The following BAG6 variants were observed in gnomAD, a reference collection of about 807,000 sequenced individuals.
BAG6 encodes the protein BAG cochaperone 6, also known as large proline-rich protein BAG6.
Under a neutral mutation model 121.0 loss-of-function variants are expected in BAG6, and 22 were observed. That is an observed-to-expected ratio of 0.18 (90% CI 0.13 to 0.26). BAG6 has a LOEUF of 0.26. Ranked by LOEUF, BAG6 falls within the 10% of genes least tolerant of loss-of-function variation. The pLI, the probability that BAG6 is intolerant of heterozygous loss-of-function variation, is 1.00. For synonymous variants in BAG6, 583 were observed against 584.6 expected, an observed-to-expected ratio of 1.00 and a Z score of 0.04; for missense variants, 1,233 against 1,537.7, an observed-to-expected ratio of 0.80 and a Z score of 3.31.
Position 31,645,020 on chromosome 6 carries a change from G to A in BAG6, c.1295C>T (p.Thr432Ile). The change falls in exon 10 of 26, where the codon ACC becomes ATC. Residue 432 changes from threonine (T) to isoleucine (I), a missense_variant. Transcript: ENST00000676615. ...AATCCGGATGACCCTCGGGTGGCTG[G>A]TGGCTGGCGGGGGAGCTGGACCTGG... ...PPPGPAPPPA[T>I]SHPRVIRISH... 5 of 1,612,072 alleles carry A rather than the reference G, an allele frequency of 3.1e-6. No individual in the cohort carries two copies. Among genetic ancestry groups the A allele is most frequent in the Non-Finnish European group, 3.4e-6 (4 of 1,179,482 alleles).
At chr6:31,648,366 T>C (rs1161990146) in intron 6 of BAG6, among the ~76,000 whole-genome samples, 2 of 152,196 alleles carry the variant, frequency 1.3e-5, no homozygotes, top group Non-Finnish European at 2.9e-5. Context: ...GTAGAGATTG[T>C]GGTTTCCTTT....
rs1290149381 is a variant in BAG6, at chr6:31,644,365, G to A, written c.1497C>T (p.Ala499=). Residue 499 remains alanine, a synonymous_variant, in exon 12 of 26, where the codon GCC becomes GCT. Coordinates refer to ENST00000676615, the MANE Select transcript of BAG6 (RefSeq NM_001387994.1). The surrounding 1 kb of genome is among the most constrained non-coding windows in gnomAD (Gnocchi z 4.9). ...CCTGATGAGTGATCTGGTGGGCGAC[G>A]GCGTGCATGAACTCAGGGGGCAGGG... ...LPSLPPEFMH[A]VAHQITHQAM... The A allele has an allele frequency of 8.4e-6, 13 of 1,551,540 alleles. No individual in the cohort carries two copies. Among genetic ancestry groups the A allele is most frequent in the Middle Eastern group, 1.7e-4 (1 of 5,996 alleles).
chr6:31,642,252 G>A lies in BAG6; in HGVS notation c.2195C>T (p.Thr732Ile), dbSNP rs1002411823. 10 of 1,612,062 alleles carry A rather than the reference G, an allele frequency of 6.2e-6. No individual in the cohort carries two copies. Among genetic ancestry groups the A allele is most frequent in the African/African-American group, 1.3e-5 (1 of 74,796 alleles). Residue 732 changes from threonine (T) to isoleucine (I), a missense_variant, in exon 16 of 26, where the codon ACC becomes ATC. Physicochemically the swap from Thr to Ile is moderately conservative, Grantham distance 89. This residue lies in a region of BAG6 where 288 missense variants were observed against 483.1 expected (regional missense o/e 0.60). Transcript: ENST00000676615. ...GCTGAGCACACCCTGCACCACTGAGGTAAAAAACTCCGGTGACAGGCTCTC... is the reference window on the plus strand; with the variant it reads ...GCTGAGCACACCCTGCACCACTGAGATAAAAAACTCCGGTGACAGGCTCTC... ...GLESLSPEFF[T>I]SVVQGVLSSL... is the part of the protein sequence containing the mutation.
At position 31,641,483 on chromosome 6, in the gene BAG6, AG is replaced by A. The variant is rs1454494747; in HGVS notation, c.2559+55del. On this transcript the variant is annotated intron_variant, in intron 18 of 25. Transcript: ENST00000676615. The surrounding 1 kb of genome is among the most constrained non-coding windows in gnomAD (Gnocchi z 5.7). The stretch of plus-strand genomic sequence containing the variant: ...AGAATCATAAGACTGGGAGTGGAGG[AG>A]GCAGCTGCCTTGACCAGACCCAGGA... 1 of 1,613,882 alleles carries A rather than the reference AG, an allele frequency of 6.2e-7. No individual in the cohort carries two copies. Among genetic ancestry groups the A allele is most frequent in the African/African-American group, 1.3e-5 (1 of 74,944 alleles).
Position 31,640,591 on chromosome 6 carries a change from C to G in BAG6, c.2994+54G>C. On this transcript the variant is annotated intron_variant, in intron 22 of 25. Transcript: ENST00000676615. The surrounding 1 kb of genome is among the most constrained non-coding windows in gnomAD (Gnocchi z 4.2). ...TTTTTAGCCTCCAAACCTTTCTCCC[C>G]CAGCCCTCCACTCCACATTATCTGG... is the stretch of plus-strand genomic sequence containing the variant. The G allele has an allele frequency of 6.2e-7, 1 of 1,612,714 alleles. No individual in the cohort carries two copies. Among genetic ancestry groups the G allele is most frequent in the Non-Finnish European group, 8.5e-7 (1 of 1,179,784 alleles).
At position 31,642,403 on chromosome 6, in the gene BAG6, C is replaced by T. The variant is rs1783766721; in HGVS notation, c.2044G>A (p.Ala682Thr). 1 of 983,192 alleles carries T rather than the reference C, an allele frequency of 1.0e-6. No individual in the cohort carries two copies. Among genetic ancestry groups the T allele is most frequent in the Non-Finnish European group, 1.5e-6 (1 of 663,522 alleles). 60.9% of individuals were successfully genotyped at this position (983,192 alleles called of 1,614,324 possible). The change falls in exon 16 of 26, where the codon GCA becomes ACA. Residue 682 changes from alanine (A) to threonine (T), a missense_variant and splice_region_variant. Physicochemically the swap from Ala to Thr is moderately conservative, Grantham distance 58. This residue lies in a region of BAG6 where 777 missense variants were observed against 861.4 expected (regional missense o/e 0.90). Transcript: ENST00000676615. The part of the protein sequence containing the change: ...FLQGMTDFLQ[A>T]TQTAPPPPPP... ...GGTGGTGGAGGGGCTGTCTGTGTTG[C>T]CTGGCAAATAAAGAAAGAACAAAGA...
At chr6:31,645,368 CCCCTCACTCT>C (rs1240160641) in intron 9 of BAG6, 29 bp downstream of exon 9, 1 of 1,612,782 alleles carries the variant, frequency 6.2e-7, no homozygotes, top group Admixed American at 1.7e-5. Context: ...TCTATCAACA[CCCCTCACTCT>C]CCCTCAGGCC....
intron 6 of BAG6, among the ~76,000 whole-genome samples, chr6:31,648,363 T>C (rs147187820): frequency 3.5e-4 from 54 of 152,196 alleles, no homozygotes; most frequent in African/African-American, 1.0e-3. Flanking sequence ...AGAGTAGAGA[T>C]TGTGGTTTCC....
chr6:31,652,195 G>T (rs1453302292), intron 1 of BAG6: 1 of 186,350 alleles, frequency 5.4e-6, no homozygotes, highest in Non-Finnish European at 1.2e-5. Context: ...CACGCCCATC[G>T]AACCCTCCTA....
In BAG6 at chr6:31,644,831, C is replaced by G. The variant is rs1787229184; in HGVS notation, c.1369+115G>C. The G allele has an allele frequency of 1.3e-6, 2 of 1,493,342 alleles. No homozygotes were observed. Among genetic ancestry groups the G allele is most frequent in the Non-Finnish European group, 1.8e-6 (2 of 1,109,806 alleles). The allele number at this position is 1,493,342 out of a possible 1,614,324, so 92.5% of individuals were successfully genotyped here. A position where few individuals can be genotyped will look rare whatever the true frequency, so the allele number is the denominator to read the frequency against. On this transcript the variant is annotated intron_variant, in intron 10 of 25. Coordinates refer to ENST00000676615, the MANE Select transcript of BAG6 (RefSeq NM_001387994.1). The surrounding 1 kb of genome is among the most constrained non-coding windows in gnomAD (Gnocchi z 4.9). Reference sequence around the variant, plus strand: ...TCTACTTAAGCTTCTGCTCTGGTCCCCAGGCTACCACCACCAGCATGTGCC... The same window carrying G: ...TCTACTTAAGCTTCTGCTCTGGTCCGCAGGCTACCACCACCAGCATGTGCC...
Position 31,640,204 on chromosome 6 carries a change from G to A in BAG6, c.3241C>T (p.Arg1081Cys), listed in dbSNP as rs1432382807. The change falls in exon 24 of 26, where the codon CGC (arginine) becomes TGC (cysteine). Residue 1081 changes from arginine to cysteine, a missense_variant. Arg to Cys is a radical substitution (Grantham distance 180). Around this residue, in one of 7 missense-constraint regions of BAG6, gnomAD observed 288 missense variants for 483.1 expected, o/e 0.60. Coordinates refer to ENST00000676615, the MANE Select transcript of BAG6 (RefSeq NM_001387994.1). This position sits in a 1 kb window ranked among gnomAD's most constrained non-coding sequence, Gnocchi z 4.2. The part of the protein sequence containing the change: ...AYLSGMPAKR[R>C]KTMQGEGPQL... ...TAGGGAAGAGGAAAACCAACCTTGC[G>A]TCTCTTGGCAGGCATACCACTGAGG... 6.2e-7 allele frequency: 1 copy of A among 1,614,012 alleles called. No homozygotes were observed. The highest frequency in any genetic ancestry group is 1.7e-5 in the Admixed American group (1 of 60,006).
intron 7 of BAG6, 147 bp downstream of exon 7, chr6:31,647,444 C>T: frequency 1.7e-6 from 2 of 1,193,384 alleles, no homozygotes; most frequent in South Asian, 1.5e-5. Flanking sequence ...TTTACCTATA[C>T]CGAGAGAGCC....
chr6:31,640,075 C>T lies in BAG6; in HGVS notation c.3246+124G>A. On this transcript the variant is annotated intron_variant, in intron 24 of 25. Transcript: ENST00000676615. The surrounding 1 kb of genome is among the most constrained non-coding windows in gnomAD (Gnocchi z 4.2). Reference sequence around the variant, plus strand: ...CAAGTCTGAATCCCAGAAAAAGTTTCCTCATTAAACGAGGGGAGGGGAGAC... The same window carrying T: ...CAAGTCTGAATCCCAGAAAAAGTTTTCTCATTAAACGAGGGGAGGGGAGAC... 1.0e-6 allele frequency: 1 copy of T among 954,064 alleles called. No individual in the cohort carries two copies. The highest frequency in any genetic ancestry group is 1.6e-5 in the South Asian group (1 of 63,478). 59.1% of individuals were successfully genotyped at this position (954,064 alleles called of 1,614,324 possible).
chr6:31,644,714 G>A lies in BAG6; in HGVS notation c.1370-112C>T, dbSNP rs116246704. 155 of 1,320,800 alleles carry A rather than the reference G, an allele frequency of 1.2e-4. No homozygotes were observed. The African/African-American group carries it at 1.9e-3, about 16-fold the overall frequency. 81.8% of individuals were successfully genotyped at this position (1,320,800 alleles called of 1,614,324 possible). On this transcript the variant is annotated intron_variant, in intron 10 of 25. Transcript: ENST00000676615. The surrounding 1 kb of genome is among the most constrained non-coding windows in gnomAD (Gnocchi z 4.9). ...CCATAATCCCCCAATCAGAAAGCCT[G>A]CCTTTCCCTCCATCTAAACAGGGAG...
In BAG6 at chr6:31,640,462, C is replaced by T. The variant is rs137922391; in HGVS notation, c.3061G>A (p.Ala1021Thr). The change falls in exon 23 of 26, where the codon GCT becomes ACT. Residue 1021 changes from alanine (A) to threonine (T), a missense_variant. Around this residue, in one of 7 missense-constraint regions of BAG6, gnomAD observed 288 missense variants for 483.1 expected, o/e 0.60. Transcript: ENST00000676615. The surrounding 1 kb of genome is among the most constrained non-coding windows in gnomAD (Gnocchi z 4.2). ...TCATCCCGGGAGCCCCCCTCAGGAG[C>T]AGGAGGTGGACCTCGGGACATGGCC... ...EEAMSRGPPP[A>T]PEGGSRDEQD... 5 of 1,613,334 alleles carry T rather than the reference C, an allele frequency of 3.1e-6. No homozygotes were observed. The highest frequency in any genetic ancestry group is 1.3e-5 in the African/African-American group (1 of 74,930).
Position 31,644,606 on chromosome 6 carries a change from G to A in BAG6, c.1370-4C>T, listed in dbSNP as rs1329694562. 6.2e-7 allele frequency: 1 copy of A among 1,612,440 alleles called. No individual in the cohort carries two copies. Among genetic ancestry groups the A allele is most frequent in the Admixed American group, 1.7e-5 (1 of 59,920 alleles). On this transcript the variant is annotated splice_polypyrimidine_tract_variant and splice_region_variant and intron_variant, in intron 10 of 25. Transcript: ENST00000676615. The surrounding 1 kb of genome is among the most constrained non-coding windows in gnomAD (Gnocchi z 4.9). ...CCACCAGGCTGTGTGCCAGAATCTG[G>A]GCAGGGAGACAGAGACAGTGGCCCT...
chr6:31,652,087 G>C (rs1376190025), intron 1 of BAG6: 2 of 273,524 alleles, frequency 7.3e-6, no homozygotes, highest in Non-Finnish European at 7.2e-6. Flanking sequence ...CACCGGTCAC[G>C]GCAGGACAAG....
chr6:31,643,966 A>G lies in BAG6; in HGVS notation c.1680T>C (p.Gly560=), dbSNP rs140736688. 1.5e-4 allele frequency: 239 copies of G among 1,614,030 alleles called. 2 individuals are homozygous for G. In the African/African-American group the frequency reaches 3.0e-3, roughly 20 times the overall value. Residue 560 remains glycine, a synonymous_variant, in exon 14 of 26, where the codon GGT becomes GGC. Transcript: ENST00000676615. ...GGGCCAACGAGGCATTGGTACCCAG[A>G]CCGGCGCCCTGCTGGATAGAGAGCA... ...PPVSGTLQGA[G]LGTNASLAQM...
At chr6:31,643,478 C>T (rs1785016287) in intron 14 of BAG6, among the ~76,000 whole-genome samples, 1 of 151,708 alleles carries the variant, frequency 6.6e-6, no homozygotes, top group Admixed American at 6.6e-5. Flanking sequence ...AATCCCAGCA[C>T]TTTGGGAGGC....
Sources: allele counts gnomAD v4.1 joint callset (sites outside exome capture counted in the v4.1 genomes callset), GRCh38; gene constraint gnomAD v4.1.1; regional missense constraint gnomAD v4.1.1; non-coding constraint Gnocchi (gnomAD v3.1); transcripts MANE v1.5; gene names NCBI Gene and HGNC (gene_info 2026-07-23, HGNC 2026-07-21).